Variants in RARB observed in about 807,000 individuals in gnomAD.
The protein encoded by RARB is retinoic acid receptor beta.
A neutral mutation model predicts 51.9 loss-of-function variants in RARB; 17 were observed. The ratio of observed to expected loss-of-function variants is 0.33; its 90% CI spans 0.22 to 0.49. The LOEUF is 0.49. Among genes scored for constraint, RARB ranks in the 20% least tolerant of loss-of-function variants. RARB has a pLI of 0.99. For synonymous variants in RARB, 215 were observed against 195.4 expected, an observed-to-expected ratio of 1.10 and a Z score of -0.84; for missense variants, 369 against 550.8, an observed-to-expected ratio of 0.67 and a Z score of 3.30.
At chr3:25,571,278 T>G (rs1299166550) in intron 4 of RARB, among the ~76,000 whole-genome samples, 2 of 152,238 alleles carry the variant, frequency 1.3e-5, no homozygotes, top group Non-Finnish European at 2.9e-5. Context: ...CTGAAGCACC[T>G]GGTGAACTCG....
rs554843748 is a variant in RARB, at chr3:25,471,450, C to T, written c.306+10109C>T. On this transcript the variant is annotated intron_variant, in intron 2 of 7. Coordinates refer to ENST00000330688, the MANE Select transcript of RARB (RefSeq NM_000965.5). ...TAATAATTCCTACGGAAGGAGAAAA[C>T]ACTTTTCTTCTTCTAACAAATTGAG... Among the ~76,000 whole-genome samples, 315 of 152,028 alleles carry T rather than the reference C, an allele frequency of 2.1e-3. 2 individuals carry two copies. Among genetic ancestry groups the T allele is most frequent in the African/African-American group, 7.4e-3 (306 of 41,470 alleles).
intron 5 of RARB, among the ~76,000 whole-genome samples, chr3:25,230,236 C>T (rs964948939): frequency 1.3e-5 from 2 of 152,074 alleles, no homozygotes; most frequent in Non-Finnish European, 2.9e-5. Context: ...ATTGCATCTT[C>T]CCCCTAAAAC....
intron 2 of RARB, among the ~76,000 whole-genome samples, chr3:25,465,803 T>A (rs1349489368): frequency 2.0e-5 from 3 of 151,920 alleles, no homozygotes; most frequent in African/African-American, 7.3e-5. Context: ...CAAGAATGTT[T>A]AACAGTATAA....
chr3:25,219,114 G>T (rs1241747651), intron 5 of RARB, among the ~76,000 whole-genome samples: 1 of 151,926 alleles, frequency 6.6e-6, no homozygotes, highest in African/African-American at 2.4e-5. Context: ...TCATTCATGG[G>T]GAACCAAAGA....
In RARB at chr3:25,193,330, A is replaced by G. The variant is rs149594092; in HGVS notation, c.178+18755A>G. Among the ~76,000 whole-genome samples, 10 of 152,156 alleles carry G rather than the reference A, an allele frequency of 6.6e-5. No homozygotes were observed. In the East Asian group the frequency reaches 1.4e-3, roughly 21 times the overall value. ...CACTGGATGTTTAGAAATCTTAAAG[A>G]TTGTTCCAATGCAGAGGAAGTCTGT... On this transcript the variant is annotated intron_variant, in intron 5 of 11. Coordinates refer to the RARB transcript ENST00000383772.
intron 5 of RARB, among the ~76,000 whole-genome samples, chr3:25,329,041 G>A (rs1401758777): frequency 1.3e-5 from 2 of 152,178 alleles, no homozygotes; most frequent in African/African-American, 4.8e-5. Flanking sequence ...TGAACAGGGT[G>A]GAACCCACTG....
chr3:25,064,558 G>A (rs968769030), intron 3 of RARB, among the ~76,000 whole-genome samples: 5 of 152,090 alleles, frequency 3.3e-5, no homozygotes, highest in Admixed American at 2.6e-4. Context: ...TATTCCAAAA[G>A]AGTGGCAAAA....
chr3:25,247,240 G>A (rs115746660), intron 5 of RARB, among the ~76,000 whole-genome samples: 8 of 152,216 alleles, frequency 5.3e-5, no homozygotes, highest in African/African-American at 1.4e-4. Flanking sequence ...AAGCCAGTGG[G>A]TCTTAGCTTG....
intron 5 of RARB, among the ~76,000 whole-genome samples, chr3:25,384,625 T>A (rs918429230): frequency 6.6e-6 from 1 of 152,210 alleles, no homozygotes; most frequent in Non-Finnish European, 1.5e-5. Context: ...TTCTCTAGAA[T>A]GAGGCTGACA....
At chr3:25,221,009 C>T (rs1435515943) in intron 5 of RARB, among the ~76,000 whole-genome samples, 5 of 118,366 alleles carry the variant, frequency 4.2e-5, no homozygotes, top group African/African-American at 1.1e-4. Context: ...AGGCTCCCTC[C>T]CCTGCTACAC....
chr3:24,910,053 A>T (rs1694958262), intron 2 of RARB, among the ~76,000 whole-genome samples: 1 of 152,166 alleles, frequency 6.6e-6, no homozygotes, highest in Non-Finnish European at 1.5e-5. Context: ...TTACCATTTT[A>T]TTTAATTCTC....
intron 2 of RARB, among the ~76,000 whole-genome samples, chr3:24,920,453 T>A (rs1184304074): frequency 2.6e-5 from 4 of 152,244 alleles, no homozygotes; most frequent in Admixed American, 2.0e-4. Context: ...TCTCCAATTT[T>A]CCAGATCTCC....
intron 3 of RARB, among the ~76,000 whole-genome samples, chr3:25,506,630 T>C (rs187756006): frequency 6.6e-6 from 1 of 152,258 alleles, no homozygotes; most frequent in East Asian, 1.9e-4. Flanking sequence ...AAAAAGAAAA[T>C]ATTTGTCCCT....
chr3:24,985,659 G>GA (rs1241934465), intron 2 of RARB, among the ~76,000 whole-genome samples: 4 of 152,192 alleles, frequency 2.6e-5, no homozygotes, highest in African/African-American at 4.8e-5. Flanking sequence ...AGGGGGTTTG[G>GA]AAAAAAACAA....
chr3:25,349,836 A>G (rs150387107), intron 5 of RARB, among the ~76,000 whole-genome samples: 8 of 152,260 alleles, frequency 5.3e-5, no homozygotes, highest in African/African-American at 1.9e-4. Flanking sequence ...TGAGTCTACA[A>G]TTTGCACCAT....
At chr3:25,106,781 C>T (rs1353572515) in intron 3 of RARB, among the ~76,000 whole-genome samples, 1 of 152,028 alleles carries the variant, frequency 6.6e-6, no homozygotes, top group Admixed American at 6.6e-5. Context: ...TTATTACTAA[C>T]ATCAGCTATT....
intron 3 of RARB, among the ~76,000 whole-genome samples, chr3:25,520,057 C>A (rs925566356): frequency 2.6e-5 from 4 of 152,180 alleles, no homozygotes; most frequent in Admixed American, 1.3e-4. Context: ...ACTGGAACAG[C>A]CACATGCATT....
intron 5 of RARB, among the ~76,000 whole-genome samples, chr3:25,381,443 T>C (rs1243182150): frequency 4.6e-5 from 7 of 152,206 alleles, no homozygotes; most frequent in Admixed American, 4.6e-4. Flanking sequence ...CCGGATCACA[T>C]TTGTCAAATA....
intron 5 of RARB, among the ~76,000 whole-genome samples, chr3:25,255,222 A>AT (rs1223736101): frequency 6.6e-6 from 1 of 152,002 alleles, no homozygotes; most frequent in African/African-American, 2.4e-5. Context: ...ACAAATATGA[A>AT]TTTTTTCTGG....
Sources: gnomAD v4.1 joint callset for allele counts (sites outside exome capture counted in the v4.1 genomes callset) on GRCh38, gnomAD v4.1.1 for gene constraint, MANE v1.5 for transcripts, NCBI Gene and HGNC (gene_info 2026-07-23, HGNC 2026-07-21) for gene names.